CCDC73: variants seen among roughly 807,000 people sequenced by gnomAD.
CCDC73 encodes coiled-coil domain containing 73.
A neutral mutation model predicts 116.5 loss-of-function variants in CCDC73; 95 were observed. The observed-to-expected ratio is 0.82, with a 90% confidence interval of 0.69 to 0.97. The LOEUF (loss-of-function observed/expected upper bound fraction) is 0.97. CCDC73 is among the 50% of genes least tolerant of loss of function. The probability of loss-of-function intolerance (pLI) is 0.00; values close to 1 mark genes in which losing one functional copy is unlikely to be tolerated. For missense variants in CCDC73, 1,066 were observed against 1,206.8 expected (o/e 0.88, Z 1.73); for synonymous variants, 398 against 401.3 (o/e 0.99, Z 0.10).
intron 14 of CCDC73, among the ~76,000 whole-genome samples, chr11:32,629,418 C>CAT (rs1243418880): frequency 4.9e-5 from 7 of 142,458 alleles, no homozygotes; most frequent in Non-Finnish European, 7.7e-5. Flanking sequence ...TATAAAGACA[C>CAT]TTTTTTTTTT....
At chr11:32,640,624 A>G (rs898412973) in intron 13 of CCDC73, among the ~76,000 whole-genome samples, 3 of 152,196 alleles carry the variant, frequency 2.0e-5, no homozygotes, top group African/African-American at 7.2e-5. Context: ...ATTTTTTAGT[A>G]TTCTGATAAA....
At chr11:32,706,498 A>C (rs1027735456) in intron 3 of CCDC73, among the ~76,000 whole-genome samples, 1 of 152,230 alleles carries the variant, frequency 6.6e-6, no homozygotes, top group African/African-American at 2.4e-5. Flanking sequence ...CTCTTGGTAA[A>C]GACACGTATA....
intron 9 of CCDC73, among the ~76,000 whole-genome samples, chr11:32,674,049 C>A (rs1856062750): frequency 6.6e-6 from 1 of 152,212 alleles, no homozygotes; most frequent in Non-Finnish European, 1.5e-5. Context: ...CCTGCCTAGG[C>A]TCTCCACTGG....
chr11:32,667,045 C>T (rs1855990630), intron 9 of CCDC73, among the ~76,000 whole-genome samples: 1 of 152,288 alleles, frequency 6.6e-6, no homozygotes, highest in African/African-American at 2.4e-5. Flanking sequence ...GGCACACGGT[C>T]GGCCGTGTGA....
At chr11:32,667,717 G>A (rs1334684783) in intron 9 of CCDC73, among the ~76,000 whole-genome samples, 1 of 152,192 alleles carries the variant, frequency 6.6e-6, no homozygotes, top group East Asian at 1.9e-4. Context: ...TGGTACCTCA[G>A]TTGGAAATGC....
chr11:32,729,467 G>C (rs1850057242), intron 2 of CCDC73, among the ~76,000 whole-genome samples: 1 of 152,056 alleles, frequency 6.6e-6, no homozygotes, highest in African/African-American at 2.4e-5. Context: ...TGTGAATAGT[G>C]CTGCAATGAA....
At chr11:32,785,873 T>C (rs1850622999) in intron 1 of CCDC73, among the ~76,000 whole-genome samples, 1 of 152,182 alleles carries the variant, frequency 6.6e-6, no homozygotes, top group African/African-American at 2.4e-5. Context: ...GAGGTTTCAG[T>C]TTCCTCATCT....
intron 12 of CCDC73, among the ~76,000 whole-genome samples, chr11:32,646,886 A>G (rs541695916): frequency 6.6e-6 from 1 of 152,202 alleles, no homozygotes; most frequent in African/African-American, 2.4e-5. Flanking sequence ...AGACAGTATT[A>G]TCTTCCAACC....
chr11:32,610,705 T>C (rs2133217249), intron 17 of CCDC73, among the ~76,000 whole-genome samples: 1 of 152,352 alleles, frequency 6.6e-6, no homozygotes, highest in East Asian at 1.9e-4. Flanking sequence ...ACACGTGTTC[T>C]AATTGAAATA....
At chr11:32,730,120 A>G (rs1850062455) in intron 2 of CCDC73, among the ~76,000 whole-genome samples, 1 of 152,224 alleles carries the variant, frequency 6.6e-6, no homozygotes, top group Admixed American at 6.5e-5. Flanking sequence ...GTAAATTTGC[A>G]TATAGTACAG....
chr11:32,631,610 G>T (rs539439001), intron 14 of CCDC73, among the ~76,000 whole-genome samples: 140 of 149,746 alleles, frequency 9.3e-4, no homozygotes, highest in African/African-American at 3.1e-3. Context: ...AGGAAAGGAA[G>T]GGAAGGGAAG....
chr11:32,658,024 A>G (rs1261790264), intron 9 of CCDC73, among the ~76,000 whole-genome samples: 2 of 37,224 alleles, frequency 5.4e-5, no homozygotes, highest in Non-Finnish European at 1.1e-4. Flanking sequence ...TAGTCTCTTT[A>G]AAAAAAAAAA....
At chr11:32,633,317 G>A (rs1450089853) in intron 14 of CCDC73, among the ~76,000 whole-genome samples, 3 of 152,064 alleles carry the variant, frequency 2.0e-5, no homozygotes, top group African/African-American at 4.8e-5. Context: ...AATGACAGAG[G>A]GGCATCAATT....
chr11:32,700,540 C>A (rs1194835253), intron 5 of CCDC73, among the ~76,000 whole-genome samples: 1 of 152,158 alleles, frequency 6.6e-6, no homozygotes, highest in Non-Finnish European at 1.5e-5. Context: ...CAAAGTGAGA[C>A]CTTTGGCAAG....
chr11:32,686,741 C>T (rs749845630), intron 6 of CCDC73, among the ~76,000 whole-genome samples: 2 of 152,242 alleles, frequency 1.3e-5, no homozygotes, highest in South Asian at 4.1e-4. Context: ...TTATCAATAC[C>T]TCTAGAGCAT....
chr11:32,816,501 G>T, the CCDC73 span, among the ~76,000 whole-genome samples: 14 of 152,120 alleles, frequency 9.2e-5, no homozygotes, highest in African/African-American at 3.4e-4. Context: ...TAAAAAAGAG[G>T]CCTGTTCAGG....
intron 1 of CCDC73, among the ~76,000 whole-genome samples, chr11:32,772,659 T>C (rs1850501109): frequency 6.6e-6 from 1 of 152,116 alleles, no homozygotes; most frequent in African/African-American, 2.4e-5. Context: ...GAAAGAGAGG[T>C]ATATAAAGAG....
chr11:32,792,061 T>C (rs1850681534), intron 1 of CCDC73, among the ~76,000 whole-genome samples: 1 of 151,228 alleles, frequency 6.6e-6, no homozygotes, highest in South Asian at 2.1e-4. Context: ...CCAGGACTGA[T>C]AAAAGAACAT....
intron 2 of CCDC73, among the ~76,000 whole-genome samples, chr11:32,758,013 A>ATTAC: frequency 6.6e-6 from 1 of 152,312 alleles, no homozygotes; most frequent in Admixed American, 6.5e-5. Flanking sequence ...TCTTTCAAGT[A>ATTAC]TTACGTATGT....
Sources: allele counts gnomAD v4.1 joint callset (sites outside exome capture counted in the v4.1 genomes callset), GRCh38; gene constraint gnomAD v4.1.1; transcripts MANE v1.5; gene names NCBI Gene and HGNC (gene_info 2026-07-23, HGNC 2026-07-21).